Variants in QSOX1 observed in about 807,000 individuals in gnomAD.
The protein encoded by QSOX1 is quiescin sulfhydryl oxidase 1, also known as sulfhydryl oxidase 1.
QSOX1 carries 40 observed loss-of-function variants against 76.1 expected under a neutral mutation model. The ratio of observed to expected loss-of-function variants is 0.53; its 90% confidence interval spans 0.41 to 0.68. QSOX1 has a LOEUF of 0.68. Ranked by LOEUF, QSOX1 falls within the 30% of genes least tolerant of loss-of-function variation. QSOX1 has a pLI of 0.00. For missense variants in QSOX1, 931 were observed against 974.3 expected (o/e 0.96, Z 0.59); for synonymous variants, 392 against 413.1 (o/e 0.95, Z 0.62).
At chr1:180,191,423 G>C (rs983681257) in intron 10 of QSOX1, among the ~76,000 whole-genome samples, 1 of 152,228 alleles carries the variant, frequency 6.6e-6, no homozygotes, top group African/African-American at 2.4e-5. Context: ...ATTCCGCCAG[G>C]AGAGGAGCAT....
At chr1:180,176,913 C>G (rs1374366363) in intron 4 of QSOX1, among the ~76,000 whole-genome samples, 1 of 152,216 alleles carries the variant, frequency 6.6e-6, no homozygotes, top group Non-Finnish European at 1.5e-5. Flanking sequence ...CATGGCCCTG[C>G]TGAGAGATTG....
At position 180,178,799 on chromosome 1, in the gene QSOX1, A is replaced by T. The variant is rs753255002; in HGVS notation, c.521A>T (p.Glu174Val). 5 of 1,613,036 alleles carry T rather than the reference A, an allele frequency of 3.1e-6. No individual in the cohort carries two copies. Among genetic ancestry groups the T allele is most frequent in the Non-Finnish European group, 3.4e-6 (4 of 1,179,152 alleles). ...ACPPLEPAKL[E>V]EIDGFFARNN... The stretch of plus-strand genomic sequence containing the variant: ...GCCAGAATTGTCTCTTGCAGGCTGG[A>T]GGAGATTGATGGATTCTTTGCGAGA... Residue 174 changes from glutamate to valine, a missense_variant, in exon 5 of 12, where the codon GAG (glutamate) becomes GTG (valine). Transcript: ENST00000367602.
chr1:180,174,304 G>A (rs1006813821), intron 2 of QSOX1, among the ~76,000 whole-genome samples: 2 of 152,246 alleles, frequency 1.3e-5, no homozygotes, highest in African/African-American at 2.4e-5. Flanking sequence ...GCTCTGTTCG[G>A]TCTGTCCTCT....
chr1:180,155,024 C>G lies in QSOX1; in HGVS notation c.117C>G (p.Ser39=), dbSNP rs1662340017. The G allele has an allele frequency of 2.0e-6, 3 of 1,513,888 alleles. No homozygotes were observed. The highest frequency in any genetic ancestry group is 2.4e-5 in the South Asian group (2 of 81,826). The allele number at this position is 1,513,888 out of a possible 1,614,324, so 93.8% of individuals were successfully genotyped here. ...AAPRSALYSP[S]DPLTLLQADT... The stretch of plus-strand genomic sequence containing the variant: ...CGCGGTCGGCGCTCTATTCGCCTTC[C>G]GACCCGCTGACGCTGCTGCAGGCGG... The change falls in exon 1 of 12, where the codon TCC becomes TCG. Residue 39 remains serine, a synonymous_variant. Coordinates refer to ENST00000367602, the MANE Select transcript of QSOX1 (RefSeq NM_002826.5).
chr1:180,170,323 A>G (rs1662730205), intron 2 of QSOX1, among the ~76,000 whole-genome samples: 2 of 152,184 alleles, frequency 1.3e-5, no homozygotes, highest in Non-Finnish European at 2.9e-5. Flanking sequence ...GGTCTTCTCC[A>G]TGGATAATCC....
chr1:180,182,282 C>T lies in QSOX1; in HGVS notation c.715C>T (p.Leu239=), dbSNP rs755949295. The T allele has an allele frequency of 1.2e-6, 2 of 1,614,240 alleles. No homozygotes were observed. The highest frequency in any genetic ancestry group is 2.2e-5 in the East Asian group (1 of 44,890). ...FGVTDFPSCY[L]LFRNGSVSRV... ...TGTCACCGACTTCCCCTCTTGCTAC[C>T]TGCTGTTCCGGAATGGCTCTGTCTC... The change falls in exon 6 of 12, where the codon CTG becomes TTG. Residue 239 remains leucine (L), a synonymous_variant. Transcript: ENST00000367602.
intron 1 of QSOX1, among the ~76,000 whole-genome samples, chr1:180,161,320 G>T (rs1050420257): frequency 6.6e-6 from 1 of 152,138 alleles, no homozygotes; most frequent in Non-Finnish European, 1.5e-5. Flanking sequence ...AGAACTTATC[G>T]ATAAGGAATC....
Position 180,190,579 on chromosome 1 carries a change from A to G in QSOX1, c.1287A>G (p.Ala429=). Residue 429 remains alanine, a splice_region_variant and synonymous_variant, in exon 10 of 12, where the codon GCA becomes GCG. Coordinates refer to ENST00000367602, the MANE Select transcript of QSOX1 (RefSeq NM_002826.5). ...AAAATGTAGACCACTCACAGGAAGC[A>G]GGTACGTCCAGGACCCGTTCACCCC... The part of the protein sequence containing the change: ...ARQNVDHSQE[A]AKAKEVLPAI... The G allele has an allele frequency of 6.2e-7, 1 of 1,613,078 alleles. No homozygotes were observed. Among genetic ancestry groups the G allele is most frequent in the Non-Finnish European group, 8.5e-7 (1 of 1,179,342 alleles).
At chr1:180,183,854 GT>G (rs1402506874) in intron 6 of QSOX1, 61 bp from the exon 7 acceptor site, 3 of 1,501,352 alleles carry the variant, frequency 2.0e-6, no homozygotes, top group African/African-American at 1.4e-5. Context: ...TCTGACATTG[GT>G]TAGCTCTAAT....
intron 2 of QSOX1, among the ~76,000 whole-genome samples, chr1:180,172,824 A>AGGCT (rs1483801497): frequency 6.6e-6 from 1 of 151,574 alleles, no homozygotes; most frequent in Non-Finnish European, 1.5e-5. Flanking sequence ...CGTCCTGGAG[A>AGGCT]GGCTGCCTTT....
At chr1:180,178,989 G>T (rs183506436) in intron 5 of QSOX1, 105 bp downstream of exon 5, 1,090 of 1,032,932 alleles carry the variant, frequency 1.1e-3, no homozygotes, top group Non-Finnish European at 1.4e-3. Flanking sequence ...TGGCTGCCTG[G>T]GTCTTTTAGC....
chr1:180,162,806 G>C (rs77972902), intron 1 of QSOX1, among the ~76,000 whole-genome samples: 9,372 of 152,206 alleles, frequency 0.062, 383 homozygotes, highest in East Asian at 0.17. Flanking sequence ...TCACTGTGAA[G>C]TCACAGTCAT....
chr1:180,167,801 T>C (rs1401056230), intron 2 of QSOX1, among the ~76,000 whole-genome samples: 2 of 152,332 alleles, frequency 1.3e-5, no homozygotes, highest in East Asian at 3.9e-4. Context: ...ATCATCCCTT[T>C]GAAATGAAAG....
In QSOX1 at chr1:180,196,393, C is replaced by T; in HGVS notation, c.1600C>T (p.His534Tyr). The T allele has an allele frequency of 6.8e-6, 11 of 1,614,200 alleles. No individual in the cohort carries two copies. Among genetic ancestry groups the T allele is most frequent in the Non-Finnish European group, 9.3e-6 (11 of 1,180,028 alleles). The change falls in exon 12 of 12, where the codon CAC (histidine) becomes TAC (tyrosine). Residue 534 changes from histidine (H) to tyrosine (Y), a missense_variant. His to Tyr is a moderately conservative substitution (Grantham distance 83, BLOSUM62 2). Transcript: ENST00000367602. This position sits in a 1 kb window ranked among gnomAD's most constrained non-coding sequence, Gnocchi z 4.1. ...VEATLNFLKAHFSPSNIILDF... is the reference protein window; with the variant it reads ...VEATLNFLKAYFSPSNIILDF... The stretch of plus-strand genomic sequence containing the variant: ...AGCCACCCTCAACTTCCTCAAGGCC[C>T]ACTTCTCCCCAAGCAACATCATCCT...
intron 6 of QSOX1, among the ~76,000 whole-genome samples, chr1:180,183,346 A>G (rs762099620): frequency 3.4e-5 from 5 of 146,346 alleles, no homozygotes; most frequent in Non-Finnish European, 6.0e-5. Context: ...GCCCTGGAGG[A>G]CTCCTCCCTG....
At position 180,182,165 on chromosome 1, in the gene QSOX1, T is replaced by A; in HGVS notation, c.607-9T>A. On this transcript the variant is annotated splice_polypyrimidine_tract_variant and intron_variant, in intron 5 of 11. Transcript: ENST00000367602. ...GGCCTGGCCCCCAGATGTTCTGCTG[T>A]CCCTGCAGGTGGCTCTGGACCTGTC... 1 of 1,613,638 alleles carries A rather than the reference T, an allele frequency of 6.2e-7. No homozygotes were observed. Among genetic ancestry groups the A allele is most frequent in the Non-Finnish European group, 8.5e-7 (1 of 1,179,688 alleles).
intron 8 of QSOX1, among the ~76,000 whole-genome samples, chr1:180,186,778 C>T (rs1441720776): frequency 1.3e-5 from 2 of 152,230 alleles, no homozygotes; most frequent in South Asian, 2.1e-4. Context: ...TTGTCCTCCC[C>T]GATTTAAGAG....
At chr1:180,159,622 T>C (rs968050204) in intron 1 of QSOX1, among the ~76,000 whole-genome samples, 4 of 152,178 alleles carry the variant, frequency 2.6e-5, no homozygotes, top group Non-Finnish European at 5.9e-5. Context: ...ATCTGATTGG[T>C]TATTTCGGTC....
chr1:180,177,742 C>G (rs935238868), intron 4 of QSOX1, among the ~76,000 whole-genome samples: 1 of 152,200 alleles, frequency 6.6e-6, no homozygotes, highest in Non-Finnish European at 1.5e-5. Context: ...TGATGCCACC[C>G]TAAAGGCTCA....
Sources: allele counts gnomAD v4.1 joint callset (sites outside exome capture counted in the v4.1 genomes callset), GRCh38; gene constraint gnomAD v4.1.1; non-coding constraint Gnocchi (gnomAD v3.1); transcripts MANE v1.5; gene names NCBI Gene and HGNC (gene_info 2026-07-23, HGNC 2026-07-21).